The following NRG1 variants were observed in gnomAD, a reference collection of about 807,000 sequenced individuals.
NRG1 encodes the protein neuregulin 1.
In NRG1, 18 loss-of-function variants were observed where a neutral mutation model predicts 63.8. The ratio of observed to expected loss-of-function variants is 0.28; its 90% CI spans 0.19 to 0.42. NRG1 has a LOEUF of 0.42. NRG1 is among the 10% of genes least tolerant of loss of function. The pLI is 1.00. For synonymous variants in NRG1, 302 were observed against 301.3 expected (o/e 1.00, Z -0.02); for missense variants, 762 against 814.7 (o/e 0.94, Z 0.79).
chr8:32,645,613 G>A (rs563663636), intron 5 of NRG1, among the ~76,000 whole-genome samples: 7 of 152,208 alleles, frequency 4.6e-5, no homozygotes, highest in East Asian at 1.9e-4. Flanking sequence ...TGCTTAAAGC[G>A]GATTTTCTCA....
At chr8:32,366,655 G>T (rs548556851) in intron 1 of NRG1, among the ~76,000 whole-genome samples, 1 of 60,582 alleles carries the variant, frequency 1.7e-5, no homozygotes, top group African/African-American at 6.3e-5. Flanking sequence ...AATATATATT[G>T]TGTGTGTGTG....
At chr8:32,175,938 C>G (rs1357414540) in intron 1 of NRG1, among the ~76,000 whole-genome samples, 2 of 152,182 alleles carry the variant, frequency 1.3e-5, no homozygotes, top group Non-Finnish European at 2.9e-5. Flanking sequence ...ATGCCATCCC[C>G]ATCAAGCTAC....
At chr8:31,800,837 C>CTTTTTTTTTTTTTTTTTTTTT (rs5890598) in intron 1 of NRG1, among the ~76,000 whole-genome samples, 2 of 105,040 alleles carry the variant, frequency 1.9e-5, no homozygotes, top group African/African-American at 7.5e-5. Flanking sequence ...AGTCTCCTTT[C>CTTTTTTTTTTTTTTTTTTTTT]TTTTTTTTTT....
At chr8:32,547,921 C>T (rs1169673780), upstream of NRG1, among the ~76,000 whole-genome samples, 1 of 152,132 alleles carries the variant, frequency 6.6e-6, no homozygotes, top group East Asian at 1.9e-4. Context: ...TCCTTTTCCG[C>T]GTGGAATGGG....
chr8:32,693,300 C>T (rs1002140452), intron 5 of NRG1, among the ~76,000 whole-genome samples: 1 of 151,256 alleles, frequency 6.6e-6, no homozygotes, highest in East Asian at 2.0e-4. Flanking sequence ...CGCACTGCAA[C>T]CTCCGCCTTC....
chr8:32,314,813 C>G (rs968419342), intron 1 of NRG1, among the ~76,000 whole-genome samples: 3 of 152,174 alleles, frequency 2.0e-5, no homozygotes, highest in African/African-American at 7.2e-5. Flanking sequence ...CCACCCCAGC[C>G]TCTTCCATAA....
chr8:31,918,407 A>T (rs1198111220), intron 1 of NRG1, among the ~76,000 whole-genome samples: 2 of 152,206 alleles, frequency 1.3e-5, no homozygotes, highest in Non-Finnish European at 2.9e-5. Context: ...AGTTTTTAGC[A>T]TGAAGAGTTG....
intron 1 of NRG1, among the ~76,000 whole-genome samples, chr8:31,731,551 T>G (rs1441746564): frequency 2.0e-5 from 3 of 152,162 alleles, no homozygotes; most frequent in Non-Finnish European, 4.4e-5. Flanking sequence ...TCATACAGGA[T>G]GTCTCTGTTT....
chr8:32,660,482 T>C (rs576765278), intron 5 of NRG1, among the ~76,000 whole-genome samples: 1 of 152,368 alleles, frequency 6.6e-6, no homozygotes, highest in East Asian at 1.9e-4. Context: ...ACAAACTTTG[T>C]TGAGACATGC....
In NRG1 at chr8:32,562,106, G is replaced by T. The variant is rs1406953006; in HGVS notation, c.100+13280G>T. ...AGGAAGACACAGATCCTTTGAGGGT[G>T]GTAGAGACTCCTAAAGTCTGCTGAT... On this transcript the variant is annotated intron_variant, in intron 1 of 11. Coordinates refer to ENST00000356819, the Ensembl canonical transcript of NRG1. Among the ~76,000 whole-genome samples the T allele has an allele frequency of 2.6e-5, 4 of 152,044 alleles. No homozygotes were observed. The East Asian group carries it at 5.8e-4, about 22-fold the overall frequency.
chr8:32,062,572 G>A (rs1824066292), intron 1 of NRG1, among the ~76,000 whole-genome samples: 1 of 151,924 alleles, frequency 6.6e-6, no homozygotes, highest in African/African-American at 2.4e-5. Context: ...CACATAGAGA[G>A]GAGTGCCTTC....
At chr8:32,220,474 G>C (rs1308251700) in intron 1 of NRG1, among the ~76,000 whole-genome samples, 1 of 152,082 alleles carries the variant, frequency 6.6e-6, no homozygotes, top group Non-Finnish European at 1.5e-5. Flanking sequence ...GGGGCTCAAG[G>C]AGGTTTAATA....
rs1311047998 is a variant in NRG1 at position 32,424,749 on chromosome 8, C to A, written c.38-171079C>A. 2.6e-5 allele frequency among the ~76,000 whole-genome samples: 4 copies of A among 152,080 alleles called. No individual in the cohort carries two copies. The East Asian group carries it at 7.7e-4, about 29-fold the overall frequency. On this transcript the variant is annotated intron_variant, in intron 1 of 10. Transcript: ENST00000519301. ...AGGCATGGTGGTGCATTCCTGTAAT[C>A]CCAGCAATATGGAAGGTGGGAAGAT...
intron 1 of NRG1, among the ~76,000 whole-genome samples, chr8:32,082,835 T>C (rs886905353): frequency 1.2e-4 from 18 of 152,132 alleles, no homozygotes; most frequent in Non-Finnish European, 2.4e-4. Flanking sequence ...TTATAAAATA[T>C]ATGTTTAACT....
intron 1 of NRG1, among the ~76,000 whole-genome samples, chr8:31,760,035 C>T (rs1379721723): frequency 1.3e-5 from 2 of 152,070 alleles, no homozygotes; most frequent in Admixed American, 6.6e-5. Context: ...TTACTTCCTC[C>T]TCTGATATCC....
chr8:31,923,970 T>A (rs1028999469), intron 1 of NRG1, among the ~76,000 whole-genome samples: 1 of 152,166 alleles, frequency 6.6e-6, no homozygotes, highest in Non-Finnish European at 1.5e-5. Flanking sequence ...AGTGAGAACA[T>A]GCAGTATGTG....
At chr8:32,352,910 TATATAGAG>T (rs1490529498) in intron 1 of NRG1, among the ~76,000 whole-genome samples, 1 of 118,244 alleles carries the variant, frequency 8.5e-6, no homozygotes, top group Non-Finnish European at 1.9e-5. Context: ...CATATATATA[TATATAGAG>T]AGAGAGAGAG....
chr8:32,423,249 A>T (rs1176092538), intron 1 of NRG1, among the ~76,000 whole-genome samples: 1 of 152,210 alleles, frequency 6.6e-6, no homozygotes, highest in Admixed American at 6.5e-5. Flanking sequence ...GTAATTGAGG[A>T]GGCCTCACAC....
intron 1 of NRG1, among the ~76,000 whole-genome samples, chr8:32,494,527 T>C (rs1468979471): frequency 6.6e-6 from 1 of 152,104 alleles, no homozygotes; most frequent in Non-Finnish European, 1.5e-5. Context: ...GGGGAGGGGA[T>C]CAAAGAGTTA....
Sources: gnomAD v4.1 joint callset for allele counts (sites outside exome capture counted in the v4.1 genomes callset) on GRCh38, gnomAD v4.1.1 for gene constraint, MANE v1.5 for transcripts, NCBI Gene and HGNC (gene_info 2026-07-23, HGNC 2026-07-21) for gene names.